Variants in HSD17B4 observed in about 807,000 individuals in gnomAD.
The protein encoded by HSD17B4 is hydroxysteroid 17-beta dehydrogenase 4.
Under a neutral mutation model 101.0 loss-of-function variants are expected in HSD17B4, and 70 were observed. The ratio of observed to expected loss-of-function variants is 0.69; its 90% CI spans 0.57 to 0.85. The LOEUF is 0.85. Ranked by LOEUF, HSD17B4 falls within the 40% of genes least tolerant of loss-of-function variation. HSD17B4 has a pLI of 0.00. For missense variants in HSD17B4, 984 were observed against 892.4 expected, an observed-to-expected ratio of 1.10 and a Z score of -1.31; for synonymous variants, 347 against 297.1, an observed-to-expected ratio of 1.17 and a Z score of -1.73.
intron 2 of HSD17B4, among the ~76,000 whole-genome samples, chr5:119,465,636 G>T (rs1755732545): frequency 6.6e-6 from 1 of 152,186 alleles, no homozygotes; most frequent in Non-Finnish European, 1.5e-5. Context: ...TGACACATTG[G>T]TGTATAGAAA....
rs902729157 is a variant in HSD17B4, at chr5:119,493,847, G to T, written c.769G>T (p.Val257Leu). The change falls in exon 11 of 24, where the codon GTA becomes TTA. Residue 257 changes from valine to leucine, a missense_variant. Coordinates refer to ENST00000510025, the MANE Select transcript of HSD17B4 (RefSeq NM_000414.4). ...CTGGGAGCGGACTCTTGGAGCTATT[G>T]TAAGACAAAAGAATCACCCAATGAC... is the stretch of plus-strand genomic sequence containing the variant. ...LRWERTLGAI[V>L]RQKNHPMTPE... 1.2e-6 allele frequency: 2 copies of T among 1,612,964 alleles called. No homozygotes were observed. Among genetic ancestry groups the T allele is most frequent in the African/African-American group, 2.7e-5 (2 of 74,870 alleles).
At chr5:119,485,131 T>C (rs1019686355) in intron 8 of HSD17B4, among the ~76,000 whole-genome samples, 1 of 152,140 alleles carries the variant, frequency 6.6e-6, no homozygotes, top group African/African-American at 2.4e-5. Context: ...CCCCCCTGCT[T>C]CATACCAAGA....
At chr5:119,517,391 C>A (rs919807407) in intron 17 of HSD17B4, among the ~76,000 whole-genome samples, 3 of 152,228 alleles carry the variant, frequency 2.0e-5, no homozygotes, top group Non-Finnish European at 4.4e-5. Context: ...CCTCCCACCC[C>A]CTCCATGGGC....
chr5:119,487,004 A>G (rs946627184), intron 8 of HSD17B4, among the ~76,000 whole-genome samples: 2 of 152,010 alleles, frequency 1.3e-5, no homozygotes, highest in Admixed American at 6.6e-5. Flanking sequence ...TAAATTGGCA[A>G]TGTTTTCTTC....
intron 22 of HSD17B4, among the ~76,000 whole-genome samples, chr5:119,531,911 A>G (rs1389984274): frequency 1.3e-5 from 2 of 152,166 alleles, no homozygotes; most frequent in Non-Finnish European, 2.9e-5. Context: ...TATCTAATCT[A>G]GGGAAATTAT....
chr5:119,507,146 T>A (rs1489527444), intron 15 of HSD17B4, among the ~76,000 whole-genome samples: 1 of 152,206 alleles, frequency 6.6e-6, no homozygotes, highest in Non-Finnish European at 1.5e-5. Flanking sequence ...AGGTGATAAA[T>A]GTGGCTTGTA....
chr5:119,454,900 ATG>A (rs1465868377), intron 1 of HSD17B4, among the ~76,000 whole-genome samples: 1 of 152,026 alleles, frequency 6.6e-6, no homozygotes, highest in Non-Finnish European at 1.5e-5. Flanking sequence ...GGGATTACAG[ATG>A]TGTGTCACTA....
rs776728136 is a variant in HSD17B4, at chr5:119,456,371, A to T, written c.112+3A>T. On this transcript the variant is annotated splice_donor_region_variant and intron_variant, in intron 2 of 23. Transcript: ENST00000510025. ...AGAAAGAGGAGCGTTAGTTGTTGGT[A>T]AGTTGGTGTGTTTTTCTTTTTAATC... The T allele has an allele frequency of 2.5e-6, 4 of 1,592,244 alleles. No homozygotes were observed. Among genetic ancestry groups the T allele is most frequent in the Non-Finnish European group, 3.4e-6 (4 of 1,160,034 alleles).
At chr5:119,457,816 A>C (rs1207512285) in intron 2 of HSD17B4, among the ~76,000 whole-genome samples, 1 of 152,176 alleles carries the variant, frequency 6.6e-6, no homozygotes, top group Admixed American at 6.6e-5. Flanking sequence ...TTGTGCAAAG[A>C]AGGTACTTTG....
At chr5:119,515,175 AACAT>A (rs1291492103) in intron 17 of HSD17B4, 129 bp downstream of exon 17, 2 of 664,422 alleles carry the variant, frequency 3.0e-6, no homozygotes, top group African/African-American at 3.6e-5. Context: ...CAACATAATA[AACAT>A]ACAGACATGT....
chr5:119,509,410 C>T (rs1404842339), intron 16 of HSD17B4, 166 bp downstream of exon 16: 1 of 698,774 alleles, frequency 1.4e-6, no homozygotes, highest in South Asian at 1.5e-5. Flanking sequence ...CTTCTTCCTC[C>T]TCCTCTTCCT....
At chr5:119,518,225 G>A (rs1181882880) in intron 17 of HSD17B4, among the ~76,000 whole-genome samples, 1 of 151,888 alleles carries the variant, frequency 6.6e-6, no homozygotes, top group Non-Finnish European at 1.5e-5. Flanking sequence ...TGAGCCCACC[G>A]GGAGGAACGA....
chr5:119,504,686 T>G (rs934079045), intron 14 of HSD17B4, among the ~76,000 whole-genome samples: 4 of 152,176 alleles, frequency 2.6e-5, no homozygotes, highest in African/African-American at 9.7e-5. Context: ...AGACCTCTAT[T>G]GGATACATAG....
In HSD17B4 at chr5:119,493,711, T is replaced by C. The variant is rs967981969; in HGVS notation, c.740-107T>C. On this transcript the variant is annotated intron_variant, in intron 10 of 23. Coordinates refer to ENST00000510025, the MANE Select transcript of HSD17B4 (RefSeq NM_000414.4). ...AAAACTCTTTAGGAGTTAGAATCCCTTTTTTTCTGAATTTCCTTTCTCTTT... is the reference window on the plus strand; with the variant it reads ...AAAACTCTTTAGGAGTTAGAATCCCCTTTTTTCTGAATTTCCTTTCTCTTT... 5.6e-6 allele frequency: 6 copies of C among 1,074,792 alleles called. No homozygotes were observed. The Admixed American group carries it at 8.0e-5, about 14-fold the overall frequency. The allele number at this position is 1,074,792 out of a possible 1,614,324, so 66.6% of individuals were successfully genotyped here. A position where few individuals can be genotyped will look rare whatever the true frequency, so the allele number is the denominator to read the frequency against.
At chr5:119,517,736 G>T (rs184411097) in intron 17 of HSD17B4, among the ~76,000 whole-genome samples, 48 of 152,204 alleles carry the variant, frequency 3.2e-4, no homozygotes, top group African/African-American at 1.2e-3. Flanking sequence ...CTCTGGTGGG[G>T]CCTTGGACAA....
intron 23 of HSD17B4, among the ~76,000 whole-genome samples, chr5:119,537,491 A>C (rs1006845565): frequency 2.6e-5 from 4 of 152,196 alleles, no homozygotes; most frequent in African/African-American, 9.6e-5. Flanking sequence ...ATTTCTTTCC[A>C]GGAATTTATT....
At chr5:119,456,608 A>C in intron 2 of HSD17B4, 1 of 510,102 alleles carries the variant, frequency 2.0e-6, no homozygotes, top group Non-Finnish European at 3.5e-6. Flanking sequence ...GGGGGTAGGC[A>C]TGCTGGCTTG....
intron 7 of HSD17B4, among the ~76,000 whole-genome samples, chr5:119,478,561 G>A (rs1370004084): frequency 6.6e-6 from 1 of 152,090 alleles, no homozygotes; most frequent in Non-Finnish European, 1.5e-5. Context: ...TAACTTACAT[G>A]TTACCAGGTT....
At chr5:119,484,861 C>T (rs1476535844) in intron 8 of HSD17B4, among the ~76,000 whole-genome samples, 3 of 152,062 alleles carry the variant, frequency 2.0e-5, no homozygotes, top group African/African-American at 7.2e-5. Context: ...GACAGCAGAG[C>T]CATTTTTAAA....
Sources: gnomAD v4.1 joint callset for allele counts (sites outside exome capture counted in the v4.1 genomes callset) on GRCh38, gnomAD v4.1.1 for gene constraint, MANE v1.5 for transcripts, NCBI Gene and HGNC (gene_info 2026-07-23, HGNC 2026-07-21) for gene names.